NCOR2: variants seen among roughly 807,000 people sequenced by gnomAD.
The protein encoded by NCOR2 is CTG repeat protein 26.
NCOR2 carries 81 observed loss-of-function variants against 262.9 expected under a neutral mutation model. That is an observed-to-expected ratio of 0.31 (90% CI 0.26 to 0.37). The LOEUF (loss-of-function observed/expected upper bound fraction) is 0.37. Ranked by LOEUF, NCOR2 falls within the 10% of genes least tolerant of loss-of-function variation. The pLI is 1.00. For synonymous variants in NCOR2, 1,659 were observed against 1,559.3 expected (o/e 1.06, Z -1.51); for missense variants, 3,385 against 3,621.4 (o/e 0.93, Z 1.68).
chr12:124,347,626 C>T (rs1242542845), intron 30 of NCOR2, 199 bp downstream of exon 32: 6 of 597,986 alleles, frequency 1.0e-5, no homozygotes, highest in Admixed American at 2.9e-5. Context: ...TGGTATTTTG[C>T]TTTTTGTTTT....
intron 1 of NCOR2, among the ~76,000 whole-genome samples, chr12:124,525,710 C>T (rs962567561): frequency 3.9e-5 from 6 of 152,212 alleles, no homozygotes; most frequent in Admixed American, 6.5e-5. Flanking sequence ...ATCGGCGTAC[C>T]CACGGGGCAG....
chr12:124,356,865 G>A (rs1377066644), intron 22 of NCOR2, 83 bp from the exon 25 acceptor site: 1 of 1,389,726 alleles, frequency 7.2e-7, no homozygotes, highest in African/African-American at 1.5e-5. Flanking sequence ...CTACACAAAT[G>A]GCCTTCCTGC....
At chr12:124,400,609 G>A (rs761242948) in exon 15 of NCOR2, 11 of 1,614,154 alleles carry the variant, frequency 6.8e-6, no homozygotes, top group Non-Finnish European at 7.6e-6. Flanking sequence ...GCAGTTTTGC[G>A]GCCTTTGGAG....
At chr12:124,343,343 T>C (rs1031606661) in intron 32 of NCOR2, 117 bp from the exon 35 acceptor site, 8 of 741,902 alleles carry the variant, frequency 1.1e-5, no homozygotes, top group Non-Finnish European at 1.7e-5. Flanking sequence ...CTCCTTCATT[T>C]CTTCATTGCC....
chr12:124,435,633 T>G (rs1025389802), intron 8 of NCOR2, among the ~76,000 whole-genome samples: 2 of 152,128 alleles, frequency 1.3e-5, no homozygotes, highest in African/African-American at 4.8e-5. Flanking sequence ...CTGCCCCAGC[T>G]AAGCCCCTCA....
intron 17 of NCOR2, among the ~76,000 whole-genome samples, chr12:124,379,651 G>A (rs1440641746): frequency 6.6e-6 from 1 of 152,220 alleles, no homozygotes; most frequent in African/African-American, 2.4e-5. Context: ...GGTGCCCGCA[G>A]CTCTCAGCCA....
intron 1 of NCOR2, among the ~76,000 whole-genome samples, chr12:124,564,316 T>A (rs2137304402): frequency 6.6e-6 from 1 of 152,274 alleles, no homozygotes; most frequent in East Asian, 1.9e-4. Context: ...CTAAAAAACC[T>A]GGCTCTCCCC....
intron 7 of NCOR2, among the ~76,000 whole-genome samples, chr12:124,449,575 C>T (rs750033498): frequency 6.6e-6 from 1 of 152,188 alleles, no homozygotes; most frequent in African/African-American, 2.4e-5. Flanking sequence ...GCAGCTCCCT[C>T]GCCCACCCTC....
In NCOR2 at chr12:124,457,819, G is replaced by T. The variant is rs150369213; in HGVS notation, c.706-657C>A. 6.6e-6 allele frequency among the ~76,000 whole-genome samples: 1 copy of T among 152,284 alleles called. No homozygotes were observed. Among genetic ancestry groups the T allele is most frequent in the East Asian group, 1.9e-4 (1 of 5,166 alleles). ...CCGGGCCCCCACCCCGGCCCTCGGT[G>T]TGAAGGCAGACATTGTGCCTCGGCC... On this transcript the variant is annotated intron_variant, in intron 5 of 46. Coordinates refer to ENST00000405201, the Ensembl canonical transcript of NCOR2. The surrounding 1 kb of genome is among the most constrained non-coding windows in gnomAD (Gnocchi z 4.0).
intron 13 of NCOR2, among the ~76,000 whole-genome samples, chr12:124,402,768 G>A (rs2042052547): frequency 6.6e-6 from 1 of 152,194 alleles, no homozygotes; most frequent in Non-Finnish European, 1.5e-5. Context: ...GCCGCCCTAG[G>A]GGCCTGGGGA....
At position 124,481,646 on chromosome 12, in the gene NCOR2, G is replaced by C. The variant is rs992604978; in HGVS notation, c.411+1950C>G. ...GGGTGGCCTGGGAGGCTGTACGTGA[G>C]CGGTTGAGAGGGCTGCTGCAGGGAG... On this transcript the variant is annotated intron_variant, in intron 3 of 46. Transcript: ENST00000405201. The surrounding 1 kb of genome is among the most constrained non-coding windows in gnomAD (Gnocchi z 4.6). Among the ~76,000 whole-genome samples the C allele has an allele frequency of 6.6e-6, 1 of 152,218 alleles. No homozygotes were observed. The highest frequency in any genetic ancestry group is 2.4e-5 in the African/African-American group (1 of 41,452).
intron 9 of NCOR2, 60 bp from the exon 12 acceptor site, chr12:124,429,766 C>A: frequency 5.4e-6 from 8 of 1,475,818 alleles, no homozygotes; most frequent in Non-Finnish European, 7.4e-6. Context: ...CACTAGCAGA[C>A]CCCTGTGGCG....
chr12:124,403,947 G>A (rs966452486), intron 13 of NCOR2, among the ~76,000 whole-genome samples: 1 of 152,196 alleles, frequency 6.6e-6, no homozygotes, highest in African/African-American at 2.4e-5. Flanking sequence ...AGAGGAGCCA[G>A]GAAGGGGCAG....
intron 1 of NCOR2, among the ~76,000 whole-genome samples, chr12:124,535,144 G>A (rs2051059200): frequency 6.6e-6 from 1 of 152,202 alleles, no homozygotes; most frequent in African/African-American, 2.4e-5. Context: ...CAGCCTCAGG[G>A]CTTCCTCCAG....
chr12:124,508,051 T>C (rs767868947), intron 1 of NCOR2, among the ~76,000 whole-genome samples: 5 of 152,186 alleles, frequency 3.3e-5, no homozygotes, highest in Non-Finnish European at 7.3e-5. Flanking sequence ...CTGCTAAGAA[T>C]AGCTGTGCCA....
chr12:124,351,303 C>T (rs1214979031), intron 27 of NCOR2, among the ~76,000 whole-genome samples: 1 of 152,216 alleles, frequency 6.6e-6, no homozygotes, highest in Non-Finnish European at 1.5e-5. Flanking sequence ...CACGTCAGGG[C>T]AGCACACCGG....
chr12:124,341,720 C>G (rs2036477055), intron 34 of NCOR2, 103 bp downstream of exon 36: 5 of 1,499,598 alleles, frequency 3.3e-6, no homozygotes, highest in Admixed American at 2.0e-5. Context: ...AGGTGACCCA[C>G]AAGGTGACCA....
At chr12:124,325,086 C>A (rs2034519640) in exon 47 of NCOR2, 2 of 244,860 alleles carry the variant, frequency 8.2e-6, no homozygotes, top group African/African-American at 2.2e-5. Context: ...CTTTGGGTCC[C>A]TGGCCGCCCT....
chr12:124,364,543 G>A (rs778604292), intron 20 of NCOR2, among the ~76,000 whole-genome samples: 8 of 152,250 alleles, frequency 5.3e-5, no homozygotes, highest in Non-Finnish European at 1.0e-4. Context: ...GTCTGCTACT[G>A]AGATGCGCGA....
Sources: allele counts gnomAD v4.1 joint callset (sites outside exome capture counted in the v4.1 genomes callset), GRCh38; gene constraint gnomAD v4.1.1; non-coding constraint Gnocchi (gnomAD v3.1); transcripts MANE v1.5; gene names NCBI Gene and HGNC (gene_info 2026-07-23, HGNC 2026-07-21).